Variants in ZMYM4 observed in about 807,000 individuals in gnomAD.
ZMYM4 encodes the protein zinc finger MYM-type protein 4.
Under a neutral mutation model 183.2 loss-of-function variants are expected in ZMYM4, and 31 were observed. That is an observed-to-expected ratio of 0.17 (90% confidence interval 0.13 to 0.23). ZMYM4 has a LOEUF of 0.23. ZMYM4 is among the 10% of genes least tolerant of loss of function. ZMYM4 has a pLI of 1.00. For missense variants in ZMYM4, 1,273 were observed against 1,840.3 expected, an observed-to-expected ratio of 0.69 and a Z score of 5.64; for synonymous variants, 592 against 631.2, an observed-to-expected ratio of 0.94 and a Z score of 0.93.
chr1:35,367,138 T>A (rs768358181), intron 5 of ZMYM4, among the ~76,000 whole-genome samples: 1 of 152,256 alleles, frequency 6.6e-6, no homozygotes, highest in East Asian at 1.9e-4. Flanking sequence ...CACACACTTA[T>A]TACACATATA....
rs1443979525 is a variant in ZMYM4, at chr1:35,342,320, ATTTTTT to A, written c.86-16602_86-16597del. On this transcript the variant is annotated intron_variant, in intron 2 of 29. Coordinates refer to ENST00000314607, the MANE Select transcript of ZMYM4 (RefSeq NM_005095.3). The stretch of plus-strand genomic sequence containing the variant: ...CAGGCATGTGCCACCATTCCTGGCA[ATTTTTT>A]TTATTTTTATTTTTTGTAGAGAGAA... Among the ~76,000 whole-genome samples, 4 of 151,602 alleles carry A rather than the reference ATTTTTT, an allele frequency of 2.6e-5. No homozygotes were observed. The East Asian group carries it at 7.8e-4, about 30-fold the overall frequency.
chr1:35,333,249 A>T (rs1417432601), intron 2 of ZMYM4, among the ~76,000 whole-genome samples: 1 of 134,766 alleles, frequency 7.4e-6, no homozygotes, highest in Non-Finnish European at 1.5e-5. Context: ...GAATCTGATC[A>T]TACATGATTT....
chr1:35,377,428 C>T (rs659215), intron 7 of ZMYM4, among the ~76,000 whole-genome samples: 22,059 of 152,130 alleles, frequency 0.15, 3,460 homozygotes, highest in East Asian at 0.69. Context: ...GTGCTCCTAA[C>T]GATGATTTCC....
At chr1:35,271,362 A>G (rs1404641447) in intron 1 of ZMYM4, among the ~76,000 whole-genome samples, 1 of 118,826 alleles carries the variant, frequency 8.4e-6, no homozygotes, top group Non-Finnish European at 1.7e-5. Context: ...GAATGCTGGA[A>G]AAAAAAAAAA....
intron 2 of ZMYM4, among the ~76,000 whole-genome samples, chr1:35,357,888 C>A (rs190611264): frequency 6.6e-6 from 1 of 152,204 alleles, no homozygotes; most frequent in Admixed American, 6.5e-5. Flanking sequence ...GTAAAGAGAA[C>A]AGGAATCTTG....
intron 7 of ZMYM4, among the ~76,000 whole-genome samples, chr1:35,376,467 A>G (rs1644336065): frequency 6.6e-6 from 1 of 152,120 alleles, no homozygotes; most frequent in Non-Finnish European, 1.5e-5. Flanking sequence ...GTCTGAAATA[A>G]TTGTTTCTTC....
chr1:35,317,498 A>G (rs776261669), intron 1 of ZMYM4, among the ~76,000 whole-genome samples: 3 of 152,232 alleles, frequency 2.0e-5, no homozygotes, highest in Admixed American at 6.5e-5. Context: ...AATAAATTGT[A>G]TAAAATGTAG....
Position 35,389,779 on chromosome 1 carries a change from A to ATGTGTGTG in ZMYM4, c.2437-168_2437-167insGTGTGTGT, listed in dbSNP as rs879004452. ...CAAAAAAAAAAAAAAATATATATATATATGTGTGTGTGTGTGTGTGTGTGT... is the reference window on the plus strand; with the variant it reads ...CAAAAAAAAAAAAAAATATATATATATGTGTGTGTATGTGTGTGTGTGTGTGTGTGTGT... On this transcript the variant is annotated intron_variant, in intron 14 of 29. Coordinates refer to ENST00000314607, the MANE Select transcript of ZMYM4 (RefSeq NM_005095.3). The surrounding 1 kb of genome is among the most constrained non-coding windows in gnomAD (Gnocchi z 4.0). Among the ~76,000 whole-genome samples the ATGTGTGTG allele has an allele frequency of 5.2e-5, 6 of 114,292 alleles. No individual in the cohort carries two copies. Among genetic ancestry groups the ATGTGTGTG allele is most frequent in the Non-Finnish European group, 7.6e-5 (5 of 65,910 alleles). The allele number at this position is 114,292 out of a possible 152,430, so 75.0% of individuals were successfully genotyped here.
intron 1 of ZMYM4, among the ~76,000 whole-genome samples, chr1:35,284,173 T>TAG (rs1557909310): frequency 3.4e-4 from 52 of 151,868 alleles, no homozygotes; most frequent in Admixed American, 2.7e-3. Context: ...AGACGGGGTT[T>TAG]CACCTTGTTA....
intron 1 of ZMYM4, among the ~76,000 whole-genome samples, chr1:35,310,632 G>A (rs554635825): frequency 6.6e-6 from 1 of 151,980 alleles, no homozygotes; most frequent in South Asian, 2.1e-4. Context: ...AGGCTGGAGT[G>A]CAATGTCACA....
At chr1:35,301,359 C>T (rs2148748163) in intron 1 of ZMYM4, among the ~76,000 whole-genome samples, 1 of 152,094 alleles carries the variant, frequency 6.6e-6, no homozygotes, top group African/African-American at 2.4e-5. Context: ...CCAGCCTGGC[C>T]AACATGGTGA....
intron 1 of ZMYM4, among the ~76,000 whole-genome samples, chr1:35,286,023 A>G (rs1557913789): frequency 6.6e-6 from 1 of 152,188 alleles, no homozygotes; most frequent in Non-Finnish European, 1.5e-5. Context: ...TATTCAGTGT[A>G]GTATTAGAAG....
intron 7 of ZMYM4, 102 bp from the exon 8 acceptor site, chr1:35,381,157 C>T (rs1644449683): frequency 4.2e-6 from 4 of 953,308 alleles, no homozygotes; most frequent in African/African-American, 1.7e-5. Flanking sequence ...TGTTATTTCC[C>T]TACAGTATAA....
intron 2 of ZMYM4, among the ~76,000 whole-genome samples, chr1:35,329,060 C>T (rs1394736289): frequency 6.6e-6 from 1 of 152,074 alleles, no homozygotes; most frequent in Non-Finnish European, 1.5e-5. Context: ...ATAATCCTAT[C>T]ACTGTCAGCA....
chr1:35,404,482 C>T (rs1043915706), intron 23 of ZMYM4, among the ~76,000 whole-genome samples: 4 of 152,200 alleles, frequency 2.6e-5, no homozygotes, highest in African/African-American at 4.8e-5. Context: ...AGTTCCATCA[C>T]AGAAATTTTG....
At chr1:35,399,622 A>C (rs535430738) in intron 23 of ZMYM4, 46 bp downstream of exon 23, 2 of 1,599,826 alleles carry the variant, frequency 1.3e-6, no homozygotes, top group South Asian at 1.1e-5. Context: ...CCTTCATTCT[A>C]CAAGCATTAT....
intron 23 of ZMYM4, among the ~76,000 whole-genome samples, chr1:35,402,679 A>G (rs751065112): frequency 7.2e-5 from 11 of 152,168 alleles, no homozygotes; most frequent in Non-Finnish European, 1.5e-4. Context: ...AAATATAGAT[A>G]ATTTTTTCTT....
chr1:35,280,358 G>A (rs997553578), intron 1 of ZMYM4, among the ~76,000 whole-genome samples: 3 of 150,616 alleles, frequency 2.0e-5, no homozygotes, highest in East Asian at 1.9e-4. Context: ...GGCTGATCTC[G>A]AACTCATGAG....
At chr1:35,378,426 TAATG>T (rs1644381181) in intron 7 of ZMYM4, among the ~76,000 whole-genome samples, 1 of 152,220 alleles carries the variant, frequency 6.6e-6, no homozygotes, top group Admixed American at 6.5e-5. Flanking sequence ...ATTTCTTAAA[TAATG>T]AGTTGCAAAA....
Sources: gnomAD v4.1 joint callset for allele counts (sites outside exome capture counted in the v4.1 genomes callset) on GRCh38, gnomAD v4.1.1 for gene constraint, Gnocchi (gnomAD v3.1) non-coding constraint, MANE v1.5 for transcripts, NCBI Gene and HGNC (gene_info 2026-07-23, HGNC 2026-07-21) for gene names.